Variants in FLRT2 observed in about 807,000 individuals in gnomAD.
FLRT2 encodes fibronectin leucine rich transmembrane protein 2, also known as leucine-rich repeat transmembrane protein FLRT2.
A neutral mutation model predicts 40.0 loss-of-function variants in FLRT2; 15 were observed. The observed-to-expected ratio is 0.38, with a 90% CI of 0.25 to 0.58. The LOEUF (loss-of-function observed/expected upper bound fraction) is 0.58. Among genes scored for constraint, FLRT2 ranks in the 20% least tolerant of loss-of-function variants. The pLI, the probability that FLRT2 is intolerant of heterozygous loss-of-function variation, is 0.71. For missense variants in FLRT2, 726 were observed against 840.0 expected (o/e 0.86, Z 1.68); for synonymous variants, 380 against 336.8 (o/e 1.13, Z -1.41).
chr14:85,538,328 G>A (rs1888792075), intron 1 of FLRT2, among the ~76,000 whole-genome samples: 1 of 152,142 alleles, frequency 6.6e-6, no homozygotes. Context: ...CAGTTATTCT[G>A]CTGATACTTA....
chr14:85,586,667 G>T (rs1374393073), intron 1 of FLRT2, among the ~76,000 whole-genome samples: 1 of 151,146 alleles, frequency 6.6e-6, no homozygotes, highest in Non-Finnish European at 1.5e-5. Context: ...ATATATATAG[G>T]TAAATATATG....
chr14:85,568,431 A>T (rs1054329725), intron 1 of FLRT2, among the ~76,000 whole-genome samples: 1 of 152,142 alleles, frequency 6.6e-6, no homozygotes, highest in Non-Finnish European at 1.5e-5. Flanking sequence ...CGTTAATACC[A>T]AGTCAGTGGT....
intron 1 of FLRT2, among the ~76,000 whole-genome samples, chr14:85,575,467 G>T (rs1293332049): frequency 6.6e-6 from 1 of 151,982 alleles, no homozygotes; most frequent in Non-Finnish European, 1.5e-5. Flanking sequence ...TACCTTTTTG[G>T]TAAGCACATG....
chr14:85,589,898 T>C (rs189968305), intron 1 of FLRT2, among the ~76,000 whole-genome samples: 1 of 152,252 alleles, frequency 6.6e-6, no homozygotes, highest in African/African-American at 2.4e-5. Flanking sequence ...CTTGGCACTT[T>C]TGTCAAAAGT....
At chr14:85,571,095 G>A (rs561125231) in intron 1 of FLRT2, among the ~76,000 whole-genome samples, 6 of 152,126 alleles carry the variant, frequency 3.9e-5, no homozygotes, top group Admixed American at 3.9e-4. Flanking sequence ...TTTGGGACTC[G>A]GGGCTTTTCT....
In FLRT2 at chr14:85,626,244, GA is replaced by G. The variant is rs1338885045; in HGVS notation, c.*2748del. On this transcript the variant is annotated 3_prime_UTR_variant, in exon 2 of 2. Coordinates refer to ENST00000330753, the MANE Select transcript of FLRT2 (RefSeq NM_013231.6). Reference sequence around the variant, plus strand: ...CAACTGTCCCTGGGGATTCTGCTTTGATTGGCATTTTTAGTCATGGGAATGT... The same window carrying G: ...CAACTGTCCCTGGGGATTCTGCTTTGTTGGCATTTTTAGTCATGGGAATGT... 6.0e-6 allele frequency: 1 copy of G among 167,058 alleles called. No individual in the cohort carries two copies. Among genetic ancestry groups the G allele is most frequent in the Non-Finnish European group, 1.5e-5 (1 of 68,112 alleles). 10.3% of individuals were successfully genotyped at this position (167,058 alleles called of 1,614,324 possible). A position where few individuals can be genotyped will look rare whatever the true frequency, so the allele number is the denominator to read the frequency against.
chr14:85,567,315 A>C (rs185499801), intron 1 of FLRT2, among the ~76,000 whole-genome samples: 1 of 152,248 alleles, frequency 6.6e-6, no homozygotes, highest in East Asian at 1.9e-4. Flanking sequence ...GGAATCTCGA[A>C]GCTTCCTTCG....
At chr14:85,592,803 A>AAAG (rs1555369084) in intron 1 of FLRT2, among the ~76,000 whole-genome samples, 8 of 99,816 alleles carry the variant, frequency 8.0e-5, no homozygotes, top group Middle Eastern at 4.2e-3. Flanking sequence ...AAAAAAAAAA[A>AAAG]AAAAGAAAAA....
chr14:85,622,920 G>T lies in FLRT2; in HGVS notation c.1406G>T (p.Arg469Leu). Residue 469 changes from arginine to leucine, a missense_variant, in exon 2 of 2, where the codon CGC becomes CTC. This residue lies in a region of FLRT2 where 611 missense variants were observed against 690.0 expected (regional missense o/e 0.89). Transcript: ENST00000330753. ...HSLVGGIVQE[R>L]IVSGEKQHLS... ...TTAGTAGGGGGCATCGTTCAGGAGCGCATAGTCAGCGGTGAGAAGCAACAC... is the reference window on the plus strand; with the variant it reads ...TTAGTAGGGGGCATCGTTCAGGAGCTCATAGTCAGCGGTGAGAAGCAACAC... 1 of 1,614,154 alleles carries T rather than the reference G, an allele frequency of 6.2e-7. No homozygotes were observed. Among genetic ancestry groups the T allele is most frequent in the Non-Finnish European group, 8.5e-7 (1 of 1,180,038 alleles).
At chr14:85,581,364 C>T (rs1891380014) in intron 1 of FLRT2, among the ~76,000 whole-genome samples, 1 of 152,196 alleles carries the variant, frequency 6.6e-6, no homozygotes, top group Non-Finnish European at 1.5e-5. Flanking sequence ...CAGGATACCA[C>T]TTACCCCCAG....
intron 1 of FLRT2, among the ~76,000 whole-genome samples, chr14:85,606,851 G>A (rs889639285): frequency 2.0e-5 from 3 of 150,820 alleles, no homozygotes; most frequent in Admixed American, 2.0e-4. Flanking sequence ...TCCATGCTTG[G>A]TAGTCTATGA....
intron 1 of FLRT2, among the ~76,000 whole-genome samples, chr14:85,567,120 G>A (rs1001068955): frequency 6.6e-6 from 1 of 152,140 alleles, no homozygotes; most frequent in African/African-American, 2.4e-5. Context: ...GGGTTTGGGG[G>A]AAGATACCTG....
chr14:85,546,176 A>G (rs1051844943), intron 1 of FLRT2, among the ~76,000 whole-genome samples: 1 of 152,158 alleles, frequency 6.6e-6, no homozygotes, highest in Non-Finnish European at 1.5e-5. Context: ...GGTTGCACTC[A>G]TCTCTACATG....
chr14:85,620,822 T>C (rs188488445), intron 1 of FLRT2, among the ~76,000 whole-genome samples: 62 of 152,346 alleles, frequency 4.1e-4, no homozygotes, highest in African/African-American at 1.5e-3. Flanking sequence ...AGTGTGCCTG[T>C]TGTAATTAAG....
At position 85,649,143 on chromosome 14, in the gene FLRT2, C is replaced by T. The variant is rs1017943383; in HGVS notation, c.*25646C>T. The T allele has an allele frequency of 1.3e-5, 2 of 151,992 alleles. No homozygotes were observed. Among genetic ancestry groups the T allele is most frequent in the Non-Finnish European group, 2.9e-5 (2 of 67,994 alleles). The allele number at this position is 151,992 out of a possible 1,614,324, so 9.4% of individuals were successfully genotyped here. On this transcript the variant is annotated 3_prime_UTR_variant, in exon 2 of 2. Coordinates refer to ENST00000330753, the MANE Select transcript of FLRT2 (RefSeq NM_013231.6). ...GCAGAAGCATATATGTAAAAATATACCTTTTAGAAATGATTTTAGAATCTG... is the reference window on the plus strand; with the variant it reads ...GCAGAAGCATATATGTAAAAATATATCTTTTAGAAATGATTTTAGAATCTG...
chr14:85,586,394 C>G (rs1345420044), intron 1 of FLRT2, among the ~76,000 whole-genome samples: 1 of 151,978 alleles, frequency 6.6e-6, no homozygotes, highest in Non-Finnish European at 1.5e-5. Context: ...AAACAATGTT[C>G]AATCAATAAC....
At chr14:85,547,610 C>T (rs1190718433) in intron 1 of FLRT2, among the ~76,000 whole-genome samples, 1 of 152,160 alleles carries the variant, frequency 6.6e-6, no homozygotes, top group Non-Finnish European at 1.5e-5. Flanking sequence ...GCTTGAGCCA[C>T]CTTGCTCGGC....
At chr14:85,611,511 A>G (rs1892859788) in intron 1 of FLRT2, among the ~76,000 whole-genome samples, 1 of 152,162 alleles carries the variant, frequency 6.6e-6, no homozygotes. Flanking sequence ...CAACATGTGA[A>G]GTTGTTGCCC....
chr14:85,583,808 T>C (rs1891496846), intron 1 of FLRT2, among the ~76,000 whole-genome samples: 3 of 152,164 alleles, frequency 2.0e-5, no homozygotes, highest in Admixed American at 2.0e-4. Context: ...AATCAGAATC[T>C]GAAAGTGGAT....
Sources: gnomAD v4.1 joint callset for allele counts (sites outside exome capture counted in the v4.1 genomes callset) on GRCh38, gnomAD v4.1.1 for gene constraint, gnomAD v4.1.1 regional missense constraint, MANE v1.5 for transcripts, NCBI Gene and HGNC (gene_info 2026-07-23, HGNC 2026-07-21) for gene names.